Variants in NCKAP1 observed in about 807,000 individuals in gnomAD.
The protein encoded by NCKAP1 is NCK associated protein 1, also known as nck-associated protein 1.
In NCKAP1, 21 loss-of-function variants were observed where a neutral mutation model predicts 151.2. The observed-to-expected ratio is 0.14, with a 90% CI of 0.10 to 0.20. The LOEUF is 0.20. Among genes scored for constraint, NCKAP1 ranks in the 10% least tolerant of loss-of-function variants. The pLI, the probability that NCKAP1 is intolerant of heterozygous loss-of-function variation, is 1.00. For synonymous variants in NCKAP1, 484 were observed against 451.8 expected (o/e 1.07, Z -0.90); for missense variants, 933 against 1,352.1 (o/e 0.69, Z 4.86).
At chr2:182,980,798 C>T (rs1277993275) in intron 13 of NCKAP1, among the ~76,000 whole-genome samples, 7 of 152,080 alleles carry the variant, frequency 4.6e-5, no homozygotes, top group Non-Finnish European at 7.4e-5. Flanking sequence ...ATAGCTACTG[C>T]CCATGTTCAG....
At chr2:183,023,961 C>A in intron 1 of NCKAP1, 45 bp from the exon 2 acceptor site, 1 of 1,330,226 alleles carries the variant, frequency 7.5e-7, no homozygotes, top group Non-Finnish European at 1.1e-6. Flanking sequence ...CACCCTTCTT[C>A]TAAAATCAAA....
chr2:182,944,641 T>C (rs1697063294), intron 23 of NCKAP1, among the ~76,000 whole-genome samples: 1 of 152,120 alleles, frequency 6.6e-6, no homozygotes. Flanking sequence ...ATAAAAAAGC[T>C]CTACTTCTTT....
At chr2:182,935,171 T>C (rs1696848661) in intron 25 of NCKAP1, 122 bp downstream of exon 25, 4 of 740,180 alleles carry the variant, frequency 5.4e-6, no homozygotes, top group Non-Finnish European at 8.6e-6. Flanking sequence ...TTTCTGTAAC[T>C]ACTAAAACTG....
chr2:182,974,565 G>A (rs1235935052), intron 15 of NCKAP1, among the ~76,000 whole-genome samples: 1 of 152,090 alleles, frequency 6.6e-6, no homozygotes, highest in Non-Finnish European at 1.5e-5. Flanking sequence ...AAGAAACACA[G>A]GGAGAATGCC....
rs1186313062 is a variant in NCKAP1 at position 182,917,409 on chromosome 2, A to G, written c.*8293T>C. Reference sequence around the variant, plus strand: ...AGTGGAAGGAACACTATATGAGCACATCGCCACATATGTTAATTTGGTTAA... The same window carrying G: ...AGTGGAAGGAACACTATATGAGCACGTCGCCACATATGTTAATTTGGTTAA... On this transcript the variant is annotated 3_prime_UTR_variant, in exon 31 of 31. Coordinates refer to ENST00000361354, the MANE Select transcript of NCKAP1 (RefSeq NM_013436.5). The G allele has an allele frequency of 2.6e-5, 4 of 152,228 alleles. No individual in the cohort carries two copies. The highest frequency in any genetic ancestry group is 1.5e-5 in the Non-Finnish European group (1 of 68,040). 9.4% of individuals were successfully genotyped at this position (152,228 alleles called of 1,614,324 possible). A position where few individuals can be genotyped will look rare whatever the true frequency, so the allele number is the denominator to read the frequency against.
At chr2:182,980,983 C>T (rs748624835) in intron 13 of NCKAP1, among the ~76,000 whole-genome samples, 5 of 152,154 alleles carry the variant, frequency 3.3e-5, no homozygotes, top group Non-Finnish European at 7.3e-5. Flanking sequence ...ATTTGGTTAG[C>T]GTACACCTCC....
chr2:183,026,043 G>A (rs1026438674), intron 1 of NCKAP1, among the ~76,000 whole-genome samples: 6 of 152,264 alleles, frequency 3.9e-5, no homozygotes, highest in South Asian at 2.1e-4. Context: ...AAACAACTTC[G>A]TTGGTTGATA....
intron 13 of NCKAP1, 92 bp from the exon 14 acceptor site, chr2:182,979,007 T>C (rs1697883271): frequency 3.2e-6 from 2 of 629,744 alleles, no homozygotes; most frequent in Non-Finnish European, 5.4e-6. Flanking sequence ...CAAACTGGTA[T>C]ACCCATACTA....
Position 182,982,175 on chromosome 2 carries a change from A to G in NCKAP1, c.1208+646T>C, listed in dbSNP as rs78144264. Among the ~76,000 whole-genome samples, 1,012 of 152,242 alleles carry G rather than the reference A, an allele frequency of 6.6e-3. 8 individuals are homozygous for G. Among genetic ancestry groups the G allele is most frequent in the African/African-American group, 0.022 (933 of 41,548 alleles). ...TAAATAGTTTTAAAAAATGAATTCC[A>G]TAAGAAATATTACTGAGCATAGCAA... On this transcript the variant is annotated intron_variant, in intron 12 of 30. Transcript: ENST00000361354.
chr2:182,934,158 G>A (rs1388971446), intron 26 of NCKAP1, among the ~76,000 whole-genome samples: 5 of 150,094 alleles, frequency 3.3e-5, no homozygotes, highest in Admixed American at 2.6e-4. Context: ...TTTTTTTTGA[G>A]ACGGAGTCTC....
At chr2:182,981,093 T>C (rs1697927652) in intron 13 of NCKAP1, 151 bp downstream of exon 13, 9 of 939,360 alleles carry the variant, frequency 9.6e-6, no homozygotes, top group Non-Finnish European at 1.4e-5. Flanking sequence ...ACTAACTGTT[T>C]CTTCCCTTCT....
intron 2 of NCKAP1, among the ~76,000 whole-genome samples, chr2:183,015,580 G>A (rs375760896): frequency 2.0e-4 from 30 of 151,834 alleles, no homozygotes; most frequent in African/African-American, 7.2e-4. Context: ...AGAAAGTCAT[G>A]GTATAACTAT....
intron 14 of NCKAP1, among the ~76,000 whole-genome samples, chr2:182,977,439 G>A (rs1369239088): frequency 3.9e-5 from 6 of 152,130 alleles, no homozygotes; most frequent in African/African-American, 1.2e-4. Context: ...ACAGTAAGCC[G>A]AGATTGTACC....
intron 1 of NCKAP1, 131 bp downstream of exon 1, chr2:183,037,861 C>T: frequency 3.1e-6 from 2 of 637,060 alleles, no homozygotes; most frequent in South Asian, 4.7e-5. Flanking sequence ...GACCCCGGGC[C>T]GGGCCTCGGG....
At chr2:182,975,025 T>G (rs1393656265) in intron 15 of NCKAP1, among the ~76,000 whole-genome samples, 2 of 152,260 alleles carry the variant, frequency 1.3e-5, no homozygotes, top group African/African-American at 4.8e-5. Context: ...ATCTCTAAAA[T>G]TCTCTGAGCC....
chr2:182,982,387 G>C (rs1267249773), intron 12 of NCKAP1, among the ~76,000 whole-genome samples: 1 of 152,092 alleles, frequency 6.6e-6, no homozygotes, highest in Non-Finnish European at 1.5e-5. Flanking sequence ...TCAGAATATA[G>C]ATGGTGCACA....
chr2:183,002,358 A>G (rs1698390137), intron 4 of NCKAP1, 89 bp from the exon 5 acceptor site: 7 of 893,038 alleles, frequency 7.8e-6, no homozygotes, highest in Non-Finnish European at 1.1e-5. Flanking sequence ...ATTGAGAGCT[A>G]ATAATTTTCT....
At chr2:183,018,937 T>C (rs1698745394) in intron 2 of NCKAP1, among the ~76,000 whole-genome samples, 1 of 152,234 alleles carries the variant, frequency 6.6e-6, no homozygotes, top group African/African-American at 2.4e-5. Flanking sequence ...AGAGTGACTT[T>C]ATAAGCTACT....
intron 1 of NCKAP1, 86 bp from the exon 2 acceptor site, chr2:183,024,002 G>C: frequency 9.6e-7 from 1 of 1,045,146 alleles, no homozygotes. Context: ...AAATTAAAGA[G>C]ATATTTATTG....
Sources: allele counts gnomAD v4.1 joint callset (sites outside exome capture counted in the v4.1 genomes callset), GRCh38; gene constraint gnomAD v4.1.1; transcripts MANE v1.5; gene names NCBI Gene and HGNC (gene_info 2026-07-23, HGNC 2026-07-21).